Variants in ATP10B observed in about 807,000 individuals in gnomAD.
ATP10B encodes the protein phospholipid-transporting ATPase VB.
A neutral mutation model predicts 141.2 loss-of-function variants in ATP10B; 122 were observed. The observed-to-expected ratio is 0.86, with a 90% CI of 0.75 to 1.00. The LOEUF (loss-of-function observed/expected upper bound fraction) is 1.00, where lower values mean the gene tolerates loss of function less well. ATP10B is among the 50% of genes least tolerant of loss of function. The pLI, the probability that ATP10B is intolerant of heterozygous loss-of-function variation, is 0.00. For synonymous variants in ATP10B, 685 were observed against 692.0 expected, an observed-to-expected ratio of 0.99 and a Z score of 0.16; for missense variants, 1,876 against 1,825.3, an observed-to-expected ratio of 1.03 and a Z score of -0.51.
the ATP10B span, among the ~76,000 whole-genome samples, chr5:160,903,734 A>T: frequency 3.9e-5 from 6 of 152,284 alleles, no homozygotes; most frequent in Admixed American, 2.6e-4. Context: ...TATCTCACAC[A>T]GAAGATTAGA....
the ATP10B span, among the ~76,000 whole-genome samples, chr5:160,903,515 T>G: frequency 1.3e-5 from 2 of 152,132 alleles, no homozygotes; most frequent in African/African-American, 4.8e-5. Context: ...ATGGAAAACT[T>G]GCAATAACAC....
chr5:160,835,340 C>T (rs1040048145), intron 1 of ATP10B, among the ~76,000 whole-genome samples: 9 of 151,952 alleles, frequency 5.9e-5, no homozygotes, highest in African/African-American at 1.2e-4. Flanking sequence ...TTGTTGTTGT[C>T]GGAAGAATGT....
intron 1 of ATP10B, among the ~76,000 whole-genome samples, chr5:160,847,874 CTTTAAG>C (rs1261136765): frequency 6.6e-6 from 1 of 152,094 alleles, no homozygotes; most frequent in Non-Finnish European, 1.5e-5. Context: ...GTCGGTATTG[CTTTAAG>C]TTTGACAGAT....
At chr5:160,569,291 T>C (rs1754730141) in intron 25 of ATP10B, among the ~76,000 whole-genome samples, 1 of 152,228 alleles carries the variant, frequency 6.6e-6, no homozygotes, top group African/African-American at 2.4e-5. Flanking sequence ...GTGACTTTGC[T>C]ACTTTGTGGC....
intron 1 of ATP10B, among the ~76,000 whole-genome samples, chr5:160,814,980 A>G (rs1205449667): frequency 6.6e-6 from 1 of 152,200 alleles, no homozygotes. Context: ...GAGCTCCTGA[A>G]GGAAGCACTA....
At chr5:160,664,875 T>G (rs1002773978) in intron 7 of ATP10B, among the ~76,000 whole-genome samples, 5 of 152,216 alleles carry the variant, frequency 3.3e-5, no homozygotes, top group African/African-American at 1.2e-4. Context: ...GTTACATTTA[T>G]CAAAATGAAT....
At chr5:160,625,667 A>G (rs2127654788) in intron 13 of ATP10B, among the ~76,000 whole-genome samples, 1 of 152,308 alleles carries the variant, frequency 6.6e-6, no homozygotes, top group Non-Finnish European at 1.5e-5. Flanking sequence ...TGCATTATGT[A>G]TTTCCAAATG....
intron 1 of ATP10B, among the ~76,000 whole-genome samples, chr5:160,791,719 G>T (rs967567196): frequency 2.0e-5 from 3 of 152,144 alleles, no homozygotes. Context: ...TATGATACTT[G>T]CACTTCTACC....
intron 22 of ATP10B, among the ~76,000 whole-genome samples, chr5:160,593,276 G>A (rs1250857339): frequency 1.3e-5 from 2 of 152,224 alleles, no homozygotes; most frequent in Admixed American, 6.5e-5. Flanking sequence ...CTGCTGTTCT[G>A]CAGCCACTGC....
At chr5:160,736,877 T>C (rs997190267) in intron 2 of ATP10B, among the ~76,000 whole-genome samples, 5 of 152,154 alleles carry the variant, frequency 3.3e-5, no homozygotes, top group African/African-American at 9.7e-5. Context: ...ATTCTGCAAA[T>C]AGAGATGGGA....
intron 2 of ATP10B, among the ~76,000 whole-genome samples, chr5:160,751,949 A>G (rs1768180960): frequency 2.0e-5 from 3 of 152,190 alleles, no homozygotes; most frequent in Non-Finnish European, 4.4e-5. Flanking sequence ...GGATCAGAAG[A>G]AGATTCTCTA....
chr5:160,911,720 T>C, the ATP10B span, among the ~76,000 whole-genome samples: 2 of 152,180 alleles, frequency 1.3e-5, no homozygotes, highest in Non-Finnish European at 2.9e-5. Context: ...TCAGGAGGTC[T>C]GAGAGGGGAA....
intron 3 of ATP10B, among the ~76,000 whole-genome samples, chr5:160,694,486 C>G (rs796269159): frequency 3.3e-5 from 5 of 152,312 alleles, no homozygotes; most frequent in African/African-American, 1.2e-4. Context: ...ACAATGTCCT[C>G]TAGATGATAA....
chr5:160,689,910 G>T (rs1335914902), intron 3 of ATP10B, among the ~76,000 whole-genome samples: 1 of 151,820 alleles, frequency 6.6e-6, no homozygotes. Context: ...GCAATCCTAA[G>T]CAAAAAAAGC....
At chr5:160,685,957 A>C in intron 6 of ATP10B, 122 bp downstream of exon 6, 1 of 844,780 alleles carries the variant, frequency 1.2e-6, no homozygotes, top group South Asian at 3.0e-5. Context: ...CCCCCCCTTG[A>C]GAATCAGTGA....
intron 1 of ATP10B, among the ~76,000 whole-genome samples, chr5:160,826,106 T>C (rs1774583178): frequency 2.0e-5 from 3 of 152,188 alleles, no homozygotes; most frequent in African/African-American, 4.8e-5. Context: ...GTGAGTAGCA[T>C]GGCAATGAAC....
At chr5:160,669,596 G>C (rs1269086974) in intron 7 of ATP10B, among the ~76,000 whole-genome samples, 1 of 147,946 alleles carries the variant, frequency 6.8e-6, no homozygotes, top group Non-Finnish European at 1.5e-5. Context: ...CAGACTGAGA[G>C]CCAGTCTCTC....
At chr5:160,644,390 A>G (rs753120939) in intron 8 of ATP10B, 146 bp from the exon 9 acceptor site, 17 of 646,860 alleles carry the variant, frequency 2.6e-5, no homozygotes, top group Middle Eastern at 3.9e-4. Context: ...TGAGAATCTA[A>G]TCTCCTTCAT....
At chr5:160,834,895 T>C (rs962295341) in intron 1 of ATP10B, among the ~76,000 whole-genome samples, 2 of 152,158 alleles carry the variant, frequency 1.3e-5, no homozygotes, top group Non-Finnish European at 2.9e-5. Flanking sequence ...TTAGTCTGTA[T>C]GCATCTATAG....
Sources: allele counts gnomAD v4.1 joint callset (sites outside exome capture counted in the v4.1 genomes callset), GRCh38; gene constraint gnomAD v4.1.1; transcripts MANE v1.5; gene names NCBI Gene and HGNC (gene_info 2026-07-23, HGNC 2026-07-21).